The following COG5 variants were observed in gnomAD, a reference collection of about 807,000 sequenced individuals.
COG5 encodes conserved oligomeric Golgi complex subunit 5.
Under a neutral mutation model 110.4 loss-of-function variants are expected in COG5, and 86 were observed. That is an observed-to-expected ratio of 0.78 (90% confidence interval 0.65 to 0.93). The LOEUF (loss-of-function observed/expected upper bound fraction) is 0.93. Ranked by LOEUF, COG5 falls within the 40% of genes least tolerant of loss-of-function variation. The pLI is 0.00. For missense variants in COG5, 1,077 were observed against 987.0 expected (o/e 1.09, Z -1.22); for synonymous variants, 360 against 334.6 (o/e 1.08, Z -0.83).
At chr7:107,387,359 A>G (rs1402357614) in intron 7 of COG5, among the ~76,000 whole-genome samples, 1 of 152,190 alleles carries the variant, frequency 6.6e-6, no homozygotes, top group Non-Finnish European at 1.5e-5. Flanking sequence ...CCCAGCCAGC[A>G]GCAGAAAAGC....
At chr7:107,348,697 A>C (rs1307103005) in intron 10 of COG5, among the ~76,000 whole-genome samples, 1 of 152,190 alleles carries the variant, frequency 6.6e-6, no homozygotes, top group Admixed American at 6.5e-5. Flanking sequence ...ACCACTTGTT[A>C]ACACGAGACA....
chr7:107,439,538 T>C (rs1794581230), intron 6 of COG5, among the ~76,000 whole-genome samples: 1 of 152,036 alleles, frequency 6.6e-6, no homozygotes, highest in Non-Finnish European at 1.5e-5. Flanking sequence ...ATGTAGTATA[T>C]AGGAAAATAA....
intron 6 of COG5, among the ~76,000 whole-genome samples, chr7:107,517,567 A>T (rs1450874565): frequency 6.6e-6 from 1 of 152,184 alleles, no homozygotes; most frequent in African/African-American, 2.4e-5. Context: ...GGTTGAATTG[A>T]AGGAAAAAAT....
intron 6 of COG5, among the ~76,000 whole-genome samples, chr7:107,526,793 C>T (rs1192669480): frequency 6.6e-6 from 1 of 152,142 alleles, no homozygotes; most frequent in Non-Finnish European, 1.5e-5. Context: ...CTCAAAAGGT[C>T]ACCTACTTTG....
At chr7:107,523,685 G>A (rs1274077566) in intron 6 of COG5, among the ~76,000 whole-genome samples, 1 of 152,018 alleles carries the variant, frequency 6.6e-6, no homozygotes, top group African/African-American at 2.4e-5. Context: ...CATGGTGGTG[G>A]GCGCCTGTAA....
At chr7:107,554,401 A>G in intron 2 of COG5, 59 bp from the exon 3 acceptor site, 1 of 1,412,216 alleles carries the variant, frequency 7.1e-7, no homozygotes, top group Non-Finnish European at 1.0e-6. Context: ...CCTTGTAACC[A>G]CAATGTAGAA....
intron 6 of COG5, among the ~76,000 whole-genome samples, chr7:107,491,490 T>C (rs906220857): frequency 6.6e-6 from 1 of 152,288 alleles, no homozygotes; most frequent in East Asian, 1.9e-4. Context: ...TTTTCCCAGG[T>C]GAAGGCTCGT....
At chr7:107,444,401 C>T (rs546645576) in intron 6 of COG5, among the ~76,000 whole-genome samples, 1 of 152,256 alleles carries the variant, frequency 6.6e-6, no homozygotes, top group East Asian at 1.9e-4. Context: ...AAAAGTTAGC[C>T]ATGAAAAGTT....
intron 10 of COG5, among the ~76,000 whole-genome samples, chr7:107,336,900 A>G (rs1810747078): frequency 6.6e-6 from 1 of 152,160 alleles, no homozygotes; most frequent in Non-Finnish European, 1.5e-5. Context: ...ACCGCCTGGG[A>G]GCCAGAAGGA....
intron 6 of COG5, among the ~76,000 whole-genome samples, chr7:107,427,475 T>C (rs1213417202): frequency 1.3e-5 from 2 of 152,112 alleles, no homozygotes; most frequent in African/African-American, 4.8e-5. Context: ...ATGGACTGAA[T>C]TGTATTATGC....
At chr7:107,357,831 G>A (rs1334752464) in intron 10 of COG5, among the ~76,000 whole-genome samples, 3 of 152,078 alleles carry the variant, frequency 2.0e-5, no homozygotes, top group Non-Finnish European at 4.4e-5. Flanking sequence ...ACCATTCCTG[G>A]CTAATTGTTT....
chr7:107,328,939 G>C (rs1166213003), intron 10 of COG5, among the ~76,000 whole-genome samples: 1 of 152,074 alleles, frequency 6.6e-6, no homozygotes, highest in African/African-American at 2.4e-5. Flanking sequence ...TCCTGCCTCA[G>C]CTTCCTGAGT....
chr7:107,454,548 G>A (rs895109415), intron 6 of COG5, among the ~76,000 whole-genome samples: 1 of 152,008 alleles, frequency 6.6e-6, no homozygotes, highest in African/African-American at 2.4e-5. Flanking sequence ...AATGCCCTTT[G>A]TGTTTCTTAG....
chr7:107,278,017 A>G (rs1200736750), intron 14 of COG5, among the ~76,000 whole-genome samples: 1 of 152,196 alleles, frequency 6.6e-6, no homozygotes, highest in Non-Finnish European at 1.5e-5. Flanking sequence ...CCTGATATGA[A>G]TAAAATCTAT....
At chr7:107,231,341 T>G (rs1800762905) in intron 18 of COG5, among the ~76,000 whole-genome samples, 2 of 152,162 alleles carry the variant, frequency 1.3e-5, no homozygotes, top group Non-Finnish European at 2.9e-5. Context: ...GTTTAAAAAT[T>G]TTTCTCTTTT....
At chr7:107,388,618 A>G (rs1022147007) in intron 7 of COG5, among the ~76,000 whole-genome samples, 2 of 152,238 alleles carry the variant, frequency 1.3e-5, no homozygotes, top group African/African-American at 4.8e-5. Flanking sequence ...TTAAATTTAG[A>G]TGACAAATTT....
At chr7:107,561,975 CAA>C (rs113097945) in intron 1 of COG5, among the ~76,000 whole-genome samples, 3 of 121,332 alleles carry the variant, frequency 2.5e-5, no homozygotes, top group Non-Finnish European at 1.8e-5. Context: ...GACTCCGTCT[CAA>C]AAAAAAAAAA....
chr7:107,241,867 A>T (rs1193012598), intron 17 of COG5, among the ~76,000 whole-genome samples: 1 of 152,094 alleles, frequency 6.6e-6, no homozygotes, highest in Non-Finnish European at 1.5e-5. Context: ...TGCAGCCTCA[A>T]TTCCTTCAGG....
At chr7:107,338,322 G>C (rs1008201419) in intron 10 of COG5, among the ~76,000 whole-genome samples, 4 of 152,052 alleles carry the variant, frequency 2.6e-5, no homozygotes, top group Admixed American at 6.5e-5. Context: ...ACATAGAATA[G>C]ATAGCCCAGA....
Sources: gnomAD v4.1 joint callset for allele counts (sites outside exome capture counted in the v4.1 genomes callset) on GRCh38, gnomAD v4.1.1 for gene constraint, MANE v1.5 for transcripts, NCBI Gene and HGNC (gene_info 2026-07-23, HGNC 2026-07-21) for gene names.